ERBB4: variants seen among roughly 807,000 people sequenced by gnomAD.
ERBB4 encodes erb-b2 receptor tyrosine kinase 4.
A neutral mutation model predicts 158.0 loss-of-function variants in ERBB4; 42 were observed. The observed-to-expected ratio is 0.27, with a 90% CI of 0.21 to 0.34. ERBB4 has a LOEUF of 0.34. Among genes scored for constraint, ERBB4 ranks in the 10% least tolerant of loss-of-function variants. ERBB4 has a pLI of 1.00. For synonymous variants in ERBB4, 583 were observed against 558.7 expected, an observed-to-expected ratio of 1.04 and a Z score of -0.61; for missense variants, 1,333 against 1,624.1, an observed-to-expected ratio of 0.82 and a Z score of 3.08.
At chr2:211,552,344 CTTTA>C (rs141417983) in intron 20 of ERBB4, among the ~76,000 whole-genome samples, 4,658 of 152,042 alleles carry the variant, frequency 0.031, 228 homozygotes, top group African/African-American at 0.11. Flanking sequence ...CTGAAAAATT[CTTTA>C]TTTATAGGTA....
At chr2:211,847,443 G>C (rs2106020753) in intron 3 of ERBB4, among the ~76,000 whole-genome samples, 1 of 152,188 alleles carries the variant, frequency 6.6e-6, no homozygotes, top group Non-Finnish European at 1.5e-5. Context: ...GGATTTGCAA[G>C]AAGATTTAAG....
intron 19 of ERBB4, among the ~76,000 whole-genome samples, chr2:211,582,685 T>C (rs954896481): frequency 2.6e-5 from 4 of 152,262 alleles, no homozygotes; most frequent in East Asian, 1.9e-4. Flanking sequence ...GATCTACAAA[T>C]GGTATGAAAA....
At chr2:212,013,043 C>T (rs1318241814) in intron 2 of ERBB4, among the ~76,000 whole-genome samples, 1 of 151,436 alleles carries the variant, frequency 6.6e-6, no homozygotes, top group Non-Finnish European at 1.5e-5. Flanking sequence ...CCATGCCCAG[C>T]CAAGAAATAC....
chr2:212,344,786 G>A (rs1427985172), intron 1 of ERBB4, among the ~76,000 whole-genome samples: 3 of 151,956 alleles, frequency 2.0e-5, no homozygotes, highest in South Asian at 2.1e-4. Flanking sequence ...AAGAGTCTAA[G>A]AGCCCTGGCT....
intron 2 of ERBB4, among the ~76,000 whole-genome samples, chr2:212,073,020 C>A (rs1175928566): frequency 2.0e-5 from 3 of 151,800 alleles, no homozygotes; most frequent in Non-Finnish European, 4.4e-5. Flanking sequence ...ACTGAGCTTA[C>A]AATTAAGTAG....
chr2:211,533,254 G>T (rs2066550750), intron 20 of ERBB4, among the ~76,000 whole-genome samples: 1 of 151,836 alleles, frequency 6.6e-6, no homozygotes, highest in Non-Finnish European at 1.5e-5. Flanking sequence ...TAGACAGAAT[G>T]TTTTACTATT....
At chr2:212,321,765 A>G (rs1228201485) in intron 1 of ERBB4, among the ~76,000 whole-genome samples, 2 of 150,592 alleles carry the variant, frequency 1.3e-5, no homozygotes, top group South Asian at 2.1e-4. Flanking sequence ...TAAATTTGAG[A>G]ATCTTTGAAG....
chr2:212,142,036 C>T (rs2080495563), intron 1 of ERBB4, among the ~76,000 whole-genome samples: 1 of 152,132 alleles, frequency 6.6e-6, no homozygotes, highest in South Asian at 2.1e-4. Context: ...GGATGTTTCA[C>T]TTACTCAGAT....
chr2:212,421,140 T>C (rs1260369133), intron 1 of ERBB4, among the ~76,000 whole-genome samples: 1 of 152,130 alleles, frequency 6.6e-6, no homozygotes, highest in Non-Finnish European at 1.5e-5. Context: ...AGATGATATA[T>C]TTCAAAGAAT....
intron 2 of ERBB4, among the ~76,000 whole-genome samples, chr2:212,014,724 C>T (rs1405602217): frequency 6.6e-6 from 1 of 152,006 alleles, no homozygotes; most frequent in East Asian, 1.9e-4. Context: ...ACCATTCTTC[C>T]TGTTTAAAAG....
chr2:212,198,733 C>CTTTTTTTTTTTTTTTTTTTT (rs11448093), intron 1 of ERBB4, among the ~76,000 whole-genome samples: 3 of 96,428 alleles, frequency 3.1e-5, no homozygotes, highest in African/African-American at 4.6e-5. Flanking sequence ...TCACCACGCC[C>CTTTTTTTTTTTTTTTTTTTT]TTTTTTTTTT....
chr2:212,400,132 C>T (rs941137046), intron 1 of ERBB4, among the ~76,000 whole-genome samples: 1 of 152,038 alleles, frequency 6.6e-6, no homozygotes, highest in African/African-American at 2.4e-5. Flanking sequence ...ATGACAAAAC[C>T]CTCAGTCTGT....
chr2:212,286,346 T>C lies in ERBB4; in HGVS notation c.83-161443A>G, dbSNP rs2085961489. On this transcript the variant is annotated intron_variant, in intron 1 of 27. Transcript: ENST00000342788. ...TCATAATAAGTATATTGAACGAATTTGAAATTCAGTGAACACATCAAAGTT... is the reference window on the plus strand; with the variant it reads ...TCATAATAAGTATATTGAACGAATTCGAAATTCAGTGAACACATCAAAGTT... Among the ~76,000 whole-genome samples, 3 of 152,250 alleles carry C rather than the reference T, an allele frequency of 2.0e-5. No individual in the cohort carries two copies. In the South Asian group the frequency reaches 6.2e-4, roughly 32 times the overall value.
At chr2:212,177,169 T>C (rs2081693481) in intron 1 of ERBB4, among the ~76,000 whole-genome samples, 1 of 151,800 alleles carries the variant, frequency 6.6e-6, no homozygotes, top group African/African-American at 2.4e-5. Context: ...CACTTAAGAA[T>C]TATAGAATTT....
intron 1 of ERBB4, among the ~76,000 whole-genome samples, chr2:212,521,659 C>T (rs79678517): frequency 3.8e-5 from 3 of 78,646 alleles, no homozygotes; most frequent in Admixed American, 3.3e-4. Context: ...TATGCATTTA[C>T]ATGCATTTCA....
intron 3 of ERBB4, among the ~76,000 whole-genome samples, chr2:211,890,710 G>T (rs924587989): frequency 1.6e-4 from 22 of 135,096 alleles, no homozygotes; most frequent in African/African-American, 6.4e-4. Flanking sequence ...GATGGAGGAA[G>T]ATCTACCAAG....
chr2:211,883,815 A>G (rs2078725935), intron 3 of ERBB4, among the ~76,000 whole-genome samples: 1 of 152,052 alleles, frequency 6.6e-6, no homozygotes. Flanking sequence ...AAAATAAAAT[A>G]CGTTACTCTT....
At chr2:212,136,125 C>G (rs1376205779) in intron 1 of ERBB4, among the ~76,000 whole-genome samples, 2 of 152,122 alleles carry the variant, frequency 1.3e-5, no homozygotes, top group Non-Finnish European at 2.9e-5. Flanking sequence ...ATTAAAGCGG[C>G]AGTGTGTGGG....
At chr2:212,427,331 A>T (rs187470399) in intron 1 of ERBB4, among the ~76,000 whole-genome samples, 11 of 152,280 alleles carry the variant, frequency 7.2e-5, no homozygotes, top group Non-Finnish European at 4.4e-5. Flanking sequence ...ACAGTTTATC[A>T]TATTGTCAGT....
Sources: gnomAD v4.1 joint callset for allele counts (sites outside exome capture counted in the v4.1 genomes callset) on GRCh38, gnomAD v4.1.1 for gene constraint, MANE v1.5 for transcripts, NCBI Gene and HGNC (gene_info 2026-07-23, HGNC 2026-07-21) for gene names.